Variants in IRF6 observed in about 807,000 individuals in gnomAD.
IRF6 encodes the protein interferon regulatory factor 6.
A neutral mutation model predicts 51.4 loss-of-function variants in IRF6; 6 were observed. That is an observed-to-expected ratio of 0.12 (90% CI 0.06 to 0.23). The LOEUF (loss-of-function observed/expected upper bound fraction) is 0.23, where lower values mean the gene tolerates loss of function less well. Ranked by LOEUF, IRF6 falls within the 10% of genes least tolerant of loss-of-function variation. IRF6 has a pLI of 1.00. For missense variants in IRF6, 348 were observed against 585.2 expected (o/e 0.59, Z 4.18); for synonymous variants, 178 against 215.7 (o/e 0.83, Z 1.53).
At chr1:209,795,005 T>C (rs950133702) in intron 5 of IRF6, among the ~76,000 whole-genome samples, 1 of 152,226 alleles carries the variant, frequency 6.6e-6, no homozygotes, top group Non-Finnish European at 1.5e-5. Context: ...ACTGATGATA[T>C]ATTTGTATGT....
At chr1:209,789,860 T>C (rs1221062659) in intron 7 of IRF6, 75 bp from the exon 8 acceptor site, 2 of 988,620 alleles carry the variant, frequency 2.0e-6, no homozygotes, top group Non-Finnish European at 3.2e-6. Context: ...TCTTTTATGC[T>C]GTCCATTACA....
intron 3 of IRF6, among the ~76,000 whole-genome samples, 192 bp downstream of exon 3, chr1:209,801,048 G>A (rs569941646): frequency 6.6e-6 from 1 of 152,256 alleles, no homozygotes; most frequent in East Asian, 1.9e-4. Flanking sequence ...CAATGAGTGG[G>A]AAAGAATAAA....
At chr1:209,795,247 A>G in intron 5 of IRF6, 43 bp downstream of exon 5, 1 of 1,610,484 alleles carries the variant, frequency 6.2e-7, no homozygotes. Context: ...AAAACTCCTT[A>G]CATCCTCCAT....
chr1:209,788,636 T>C lies in IRF6; in HGVS notation c.1188A>G (p.Pro396=), dbSNP rs141555342. The change falls in exon 9 of 9, where the codon CCA becomes CCG. Residue 396 remains proline (P), a synonymous_variant. Coordinates refer to ENST00000367021, the MANE Select transcript of IRF6 (RefSeq NM_006147.4). Reference sequence around the variant, plus strand: ...TCTCGTAGATCATCCGAGCCACTACTGGAATGACCTGTTCAGGACACAGAA... The same window carrying C: ...TCTCGTAGATCATCCGAGCCACTACCGGAATGACCTGTTCAGGACACAGAA... ...ERKLILVQVI[P]VVARMIYEMF... The C allele has an allele frequency of 3.7e-6, 6 of 1,613,638 alleles. No individual in the cohort carries two copies. The highest frequency in any genetic ancestry group is 5.1e-6 in the Non-Finnish European group (6 of 1,179,632).
chr1:209,798,592 T>C (rs1378492892), intron 3 of IRF6, among the ~76,000 whole-genome samples: 1 of 152,078 alleles, frequency 6.6e-6, no homozygotes, highest in East Asian at 1.9e-4. Flanking sequence ...TGAAGAGCCG[T>C]ATCGTTTAAG....
rs6540557 is a variant in IRF6 at position 209,802,651 on chromosome 1, C to T, written c.-75-608G>A. Among the ~76,000 whole-genome samples the T allele has an allele frequency of 3.3e-3, 501 of 152,328 alleles. 4 individuals carry two copies. The highest frequency in any genetic ancestry group is 0.011 in the African/African-American group (476 of 41,578). On this transcript the variant is annotated intron_variant, in intron 1 of 8. Coordinates refer to ENST00000367021, the MANE Select transcript of IRF6 (RefSeq NM_006147.4). Reference sequence around the variant, plus strand: ...ATGTTCCTTCTTGAGAAACTCCACACTGGAACTTCTCAAGCCCCACAATGG... The same window carrying T: ...ATGTTCCTTCTTGAGAAACTCCACATTGGAACTTCTCAAGCCCCACAATGG...
At chr1:209,789,411 T>C (rs982026255) in intron 8 of IRF6, among the ~76,000 whole-genome samples, 19 of 151,514 alleles carry the variant, frequency 1.3e-4, no homozygotes, top group Admixed American at 2.0e-4. Context: ...AAGGGTCATA[T>C]CCTGTGAGGT....
rs1169091551 is a variant in IRF6 at position 209,786,985 on chromosome 1, G to A, written c.*1435C>T. 2.6e-5 allele frequency: 4 copies of A among 152,440 alleles called. No individual in the cohort carries two copies. The highest frequency in any genetic ancestry group is 5.9e-5 in the Non-Finnish European group (4 of 68,308). The allele number at this position is 152,440 out of a possible 1,614,324, so 9.4% of individuals were successfully genotyped here. On this transcript the variant is annotated 3_prime_UTR_variant, in exon 9 of 9. Coordinates refer to ENST00000367021, the MANE Select transcript of IRF6 (RefSeq NM_006147.4). ...AGATTAGCATCTTATTTGCCATTTA[G>A]GTCCCAGATTGCTTGAGCCCAGGAG...
At chr1:209,795,541 C>T in intron 4 of IRF6, 123 bp from the exon 5 acceptor site, 1 of 1,409,590 alleles carries the variant, frequency 7.1e-7, no homozygotes, top group African/African-American at 1.4e-5. Context: ...TACACACCCT[C>T]AATGTCCTAG....
chr1:209,791,763 C>CAAGT (rs2077870309), intron 6 of IRF6, among the ~76,000 whole-genome samples: 1 of 152,088 alleles, frequency 6.6e-6, no homozygotes, highest in Admixed American at 6.5e-5. Context: ...TCCCTATGGG[C>CAAGT]AAGTAAGTGT....
chr1:209,801,440 G>A, intron 2 of IRF6, 24 bp from the exon 3 acceptor site: 5 of 1,548,514 alleles, frequency 3.2e-6, no homozygotes, highest in Non-Finnish European at 4.3e-6. Context: ...AGGGAGAAAT[G>A]GGAAGAGCAG....
At chr1:209,803,605 A>G (rs569486823) in intron 1 of IRF6, among the ~76,000 whole-genome samples, 2 of 152,174 alleles carry the variant, frequency 1.3e-5, no homozygotes, top group Non-Finnish European at 2.9e-5. Flanking sequence ...AAGGAGCCCC[A>G]GCCTGCCCTC....
rs1163859574 is a variant in IRF6, at chr1:209,792,506, G to T, written c.509-79C>A. On this transcript the variant is annotated intron_variant, in intron 5 of 8. Transcript: ENST00000367021. ...TGCTGATGCTCTGAGAACTCACAAG[G>T]TCAGTAGACAAGAACCAAACACTGA... The T allele has an allele frequency of 8.7e-6, 13 of 1,495,866 alleles. No individual in the cohort carries two copies. In the Admixed American group the frequency reaches 1.6e-4, roughly 18 times the overall value. The allele number at this position is 1,495,866 out of a possible 1,614,324, so 92.7% of individuals were successfully genotyped here.
In IRF6 at chr1:209,788,408, T is replaced by C. The variant is rs771087814; in HGVS notation, c.*12A>G. 1.3e-6 allele frequency: 2 copies of C among 1,507,638 alleles called. No individual in the cohort carries two copies. The highest frequency in any genetic ancestry group is 1.4e-5 in the African/African-American group (1 of 72,592). The allele number at this position is 1,507,638 out of a possible 1,614,324, so 93.4% of individuals were successfully genotyped here. On this transcript the variant is annotated 3_prime_UTR_variant, in exon 9 of 9. Transcript: ENST00000367021. Reference sequence around the variant, plus strand: ...ATTATAAAAAAGAGAAGGAAGAAGATGGCATTCACAATTACTGGGGAGGCA... The same window carrying C: ...ATTATAAAAAAGAGAAGGAAGAAGACGGCATTCACAATTACTGGGGAGGCA...
At chr1:209,804,877 C>T (rs76392002) in intron 1 of IRF6, among the ~76,000 whole-genome samples, 2,119 of 152,254 alleles carry the variant, frequency 0.014, 57 homozygotes, top group African/African-American at 0.048. Flanking sequence ...CGCCATTTCT[C>T]GCAGACAATT....
At position 209,801,333 on chromosome 1, in the gene IRF6, G is replaced by A. The variant is rs2077940501; in HGVS notation, c.81C>T (p.Ile27=). The change falls in exon 3 of 9, where the codon ATC becomes ATT. Residue 27 remains isoleucine (I), a synonymous_variant. Transcript: ENST00000367021. ...AGCGTTTAGAGTCCCTGTGTAGCCA[G>A]ATGAGCCCAGGGTAGAGGCCACTAT... ...QVDSGLYPGL[I]WLHRDSKRFQ... is the part of the protein sequence containing the mutation. The A allele has an allele frequency of 6.2e-7, 1 of 1,613,908 alleles. No homozygotes were observed. Among genetic ancestry groups the A allele is most frequent in the Non-Finnish European group, 8.5e-7 (1 of 1,179,984 alleles).
intron 6 of IRF6, among the ~76,000 whole-genome samples, chr1:209,791,991 G>A (rs1384150929): frequency 1.3e-5 from 2 of 152,048 alleles, no homozygotes; most frequent in Admixed American, 6.6e-5. Flanking sequence ...TCACTATGTT[G>A]CCAAGGCTAT....
chr1:209,804,312 TAA>T (rs2077961223), intron 1 of IRF6, among the ~76,000 whole-genome samples: 2 of 152,202 alleles, frequency 1.3e-5, no homozygotes, highest in Admixed American at 6.5e-5. Flanking sequence ...CTTTATTTCC[TAA>T]GTCACAGTGT....
At chr1:209,792,455 CA>C (rs751672503) in intron 5 of IRF6, 28 bp from the exon 6 acceptor site, 1 of 1,611,034 alleles carries the variant, frequency 6.2e-7, no homozygotes, top group South Asian at 1.1e-5. Context: ...GGTGAGCAGA[CA>C]GGGGTACCAC....
Sources: allele counts gnomAD v4.1 joint callset (sites outside exome capture counted in the v4.1 genomes callset), GRCh38; gene constraint gnomAD v4.1.1; transcripts MANE v1.5; gene names NCBI Gene and HGNC (gene_info 2026-07-23, HGNC 2026-07-21).